GNLY: variants seen among roughly 807,000 people sequenced by gnomAD.
GNLY encodes T-cell activation protein 519.
GNLY carries 15 observed loss-of-function variants against 18.5 expected under a neutral mutation model. The ratio of observed to expected loss-of-function variants is 0.81; its 90% CI spans 0.54 to 1.25. The LOEUF (loss-of-function observed/expected upper bound fraction) is 1.25, where lower values mean the gene tolerates loss of function less well. Ranked by LOEUF, GNLY falls within the 50% of genes most tolerant of loss-of-function variation. The probability of loss-of-function intolerance (pLI) is 0.00; values close to 1 mark genes in which losing one functional copy is unlikely to be tolerated. For missense variants in GNLY, 178 were observed against 186.9 expected, an observed-to-expected ratio of 0.95 and a Z score of 0.28; for synonymous variants, 77 against 74.9, an observed-to-expected ratio of 1.03 and a Z score of -0.14.
Position 85,698,762 on chromosome 2 carries a change from G to C in GNLY, c.*188G>C. The C allele has an allele frequency of 6.6e-7, 1 of 1,518,430 alleles. No individual in the cohort carries two copies. Among genetic ancestry groups the C allele is most frequent in the Non-Finnish European group, 8.8e-7 (1 of 1,135,064 alleles). 94.1% of individuals were successfully genotyped at this position (1,518,430 alleles called of 1,614,324 possible). A position where few individuals can be genotyped will look rare whatever the true frequency, so the allele number is the denominator to read the frequency against. ...GTCAAGCAAGATTTTAGCCGCAGCTGCTTCTTCTTTGGTGGATTTGAGGGG... is the reference window on the plus strand; with the variant it reads ...GTCAAGCAAGATTTTAGCCGCAGCTCCTTCTTCTTTGGTGGATTTGAGGGG... On this transcript the variant is annotated 3_prime_UTR_variant, in exon 5 of 5. Transcript: ENST00000263863.
Position 85,698,341 on chromosome 2 carries a change from C to A in GNLY, c.428-223C>A, listed in dbSNP as rs1000461846. 8.2e-6 allele frequency: 6 copies of A among 734,340 alleles called. No individual in the cohort carries two copies. In the African/African-American group the frequency reaches 8.6e-5, roughly 11 times the overall value. The allele number at this position is 734,340 out of a possible 1,614,324, so 45.5% of individuals were successfully genotyped here. A position where few individuals can be genotyped will look rare whatever the true frequency, so the allele number is the denominator to read the frequency against. On this transcript the variant is annotated intron_variant, in intron 4 of 4. Coordinates refer to ENST00000263863, the MANE Select transcript of GNLY (RefSeq NM_006433.5). ...CCAATGCTCTGGGATTTTATGCTGG[C>A]AGATCGGGGGTCCCCACCATTTCCT...
intron 4 of GNLY, 96 bp from the exon 5 acceptor site, chr2:85,698,468 T>C: frequency 6.2e-7 from 1 of 1,605,314 alleles, no homozygotes; most frequent in Non-Finnish European, 8.5e-7. Context: ...TAGGGTCAGG[T>C]GGCTCTGGGA....
At chr2:85,697,824 T>A in intron 4 of GNLY, 147 bp downstream of exon 4, 1 of 634,752 alleles carries the variant, frequency 1.6e-6, no homozygotes, top group African/African-American at 1.8e-5. Context: ...TAGAAATGTT[T>A]GAGAAATACT....
In GNLY at chr2:85,697,149, A is replaced by G. The variant is rs1678483141; in HGVS notation, c.256-357A>G. The G allele has an allele frequency of 2.4e-5, 5 of 205,330 alleles. No homozygotes were observed. The Admixed American group carries it at 2.7e-4, about 11-fold the overall frequency. 12.7% of individuals were successfully genotyped at this position (205,330 alleles called of 1,614,324 possible). A position where few individuals can be genotyped will look rare whatever the true frequency, so the allele number is the denominator to read the frequency against. On this transcript the variant is annotated intron_variant, in intron 3 of 4. Transcript: ENST00000263863. The stretch of plus-strand genomic sequence containing the variant: ...TTCTCTATGCACCCCCTCTATCTGG[A>G]GCCCCCAGCCAGGTCCTGGACCCAG...
intron 3 of GNLY, chr2:85,696,567 T>A (rs911407811): frequency 6.6e-6 from 1 of 152,518 alleles, no homozygotes; most frequent in African/African-American, 2.5e-5. Context: ...TGAGATAGGA[T>A]CTTACTCTGA....
rs1375183950 is a variant in GNLY, at chr2:85,694,843, G to A, written c.52+373G>A. Reference sequence around the variant, plus strand: ...GCCTACACTGTCTAGGATTGTGCGGGGCTGGTGAGAGAACAAGATCTCTTC... The same window carrying A: ...GCCTACACTGTCTAGGATTGTGCGGAGCTGGTGAGAGAACAAGATCTCTTC... On this transcript the variant is annotated intron_variant, in intron 1 of 4. Coordinates refer to ENST00000263863, the MANE Select transcript of GNLY (RefSeq NM_006433.5). 5.9e-6 allele frequency: 9 copies of A among 1,522,338 alleles called. No homozygotes were observed. In the East Asian group the frequency reaches 2.2e-4, roughly 37 times the overall value. The allele number at this position is 1,522,338 out of a possible 1,614,324, so 94.3% of individuals were successfully genotyped here.
chr2:85,696,292 A>G (rs902004306), intron 3 of GNLY: 1 of 475,334 alleles, frequency 2.1e-6, no homozygotes, highest in Non-Finnish European at 3.8e-6. Context: ...GGTTTTCATC[A>G]TGTATCCTCA....
At chr2:85,698,297 G>A in intron 4 of GNLY, 1 of 680,996 alleles carries the variant, frequency 1.5e-6, no homozygotes, top group Admixed American at 2.0e-5. Flanking sequence ...ATTGGCTCTG[G>A]CAGCTCAGCT....
Position 85,695,991 on chromosome 2 carries a change from C to G in GNLY, c.190C>G (p.Arg64Gly). Residue 64 changes from arginine to glycine, a missense_variant, in exon 3 of 5, where the codon CGT becomes GGT. Physicochemically the swap from Arg to Gly is moderately radical, Grantham distance 125. Coordinates refer to ENST00000263863, the MANE Select transcript of GNLY (RefSeq NM_006433.5). Reference protein sequence around the residue: ...DLLTKTQELGRDYRTCLTIVQ... With the variant: ...DLLTKTQELGGDYRTCLTIVQ... ...GTTGACCAAAACACAGGAGCTGGGCCGTGACTACAGGACCTGTCTGACGAT... is the reference window on the plus strand; with the variant it reads ...GTTGACCAAAACACAGGAGCTGGGCGGTGACTACAGGACCTGTCTGACGAT... 6.2e-7 allele frequency: 1 copy of G among 1,611,688 alleles called. No individual in the cohort carries two copies. The highest frequency in any genetic ancestry group is 8.5e-7 in the Non-Finnish European group (1 of 1,177,908).
Position 85,698,651 on chromosome 2 carries a change from C to T in GNLY, c.*77C>T. ...CGGGAACCTCAGCAACCTCTGCCGGCTCCTCGCTTCCTCGATCCAGAATCC... is the reference window on the plus strand; with the variant it reads ...CGGGAACCTCAGCAACCTCTGCCGGTTCCTCGCTTCCTCGATCCAGAATCC... On this transcript the variant is annotated 3_prime_UTR_variant, in exon 5 of 5. Coordinates refer to ENST00000263863, the MANE Select transcript of GNLY (RefSeq NM_006433.5). 6.2e-7 allele frequency: 1 copy of T among 1,610,930 alleles called. No homozygotes were observed. The highest frequency in any genetic ancestry group is 8.5e-7 in the Non-Finnish European group (1 of 1,178,492).
In GNLY at chr2:85,698,675, C is replaced by T. The variant is rs1020914097; in HGVS notation, c.*101C>T. The T allele has an allele frequency of 6.2e-7, 1 of 1,607,544 alleles. No homozygotes were observed. Among genetic ancestry groups the T allele is most frequent in the Non-Finnish European group, 8.5e-7 (1 of 1,178,656 alleles). ...GCTCCTCGCTTCCTCGATCCAGAAT[C>T]CACTCTCCAGTCTCCCTCCCCTGAC... On this transcript the variant is annotated 3_prime_UTR_variant, in exon 5 of 5. Coordinates refer to ENST00000263863, the MANE Select transcript of GNLY (RefSeq NM_006433.5).
rs1678497220 is a variant in GNLY, at chr2:85,697,406, A to T, written c.256-100A>T. 3 of 1,046,092 alleles carry T rather than the reference A, an allele frequency of 2.9e-6. No homozygotes were observed. In the East Asian group the frequency reaches 7.1e-5, roughly 25 times the overall value. 64.8% of individuals were successfully genotyped at this position (1,046,092 alleles called of 1,614,324 possible). On this transcript the variant is annotated intron_variant, in intron 3 of 4. Transcript: ENST00000263863. ...TGGGCACCAGGTGCCAGCTCCTCGCACCCAGTACTCCCATTGCTAGGGCTG... is the reference window on the plus strand; with the variant it reads ...TGGGCACCAGGTGCCAGCTCCTCGCTCCCAGTACTCCCATTGCTAGGGCTG...
intron 2 of GNLY, 49 bp from the exon 3 acceptor site, chr2:85,695,909 G>A (rs372926915): frequency 8.3e-5 from 90 of 1,079,038 alleles, no homozygotes; most frequent in Non-Finnish European, 1.1e-4. Context: ...ACTTTCACGC[G>A]CTCCCAGAGT....
At chr2:85,694,816 G>C (rs569423622) in intron 1 of GNLY, 12 of 1,460,268 alleles carry the variant, frequency 8.2e-6, no homozygotes, top group Middle Eastern at 2.4e-4. Context: ...GCGTTTCCTC[G>C]GGCCTACACT....
In GNLY at chr2:85,695,320, G is replaced by A. The variant is rs1216604887; in HGVS notation, c.53G>A (p.Gly18Asp). Residue 18 changes from glycine (G) to aspartate (D), a missense_variant and splice_region_variant, in exon 2 of 5, where the codon GGT (glycine) becomes GAT (aspartate). Physicochemically the swap from Gly to Asp is moderately conservative, Grantham distance 94. Transcript: ENST00000263863. ...GAAGCTGAAGTCTGGTCTTCCTCAG[G>A]TCTGGTCTTCTCTCGTCTGAGCCCT... ...LLAAMLLGNP[G>D]LVFSRLSPEY... 4.4e-6 allele frequency: 7 copies of A among 1,603,388 alleles called. No homozygotes were observed. The highest frequency in any genetic ancestry group is 1.1e-5 in the South Asian group (1 of 90,844).
At position 85,698,712 on chromosome 2, in the gene GNLY, T is replaced by C; in HGVS notation, c.*138T>C. The C allele has an allele frequency of 6.3e-7, 1 of 1,580,938 alleles. No individual in the cohort carries two copies. The highest frequency in any genetic ancestry group is 1.1e-5 in the South Asian group (1 of 88,664). On this transcript the variant is annotated 3_prime_UTR_variant, in exon 5 of 5. Transcript: ENST00000263863. The stretch of plus-strand genomic sequence containing the variant: ...CTCCCTCCCCTGACTCCCTCTGCTG[T>C]CCTCCCCTCTCACGAGAATAAAGTG...
intron 1 of GNLY, chr2:85,695,005 AG>A: frequency 6.3e-7 from 1 of 1,589,560 alleles, no homozygotes; most frequent in Non-Finnish European, 8.6e-7. Flanking sequence ...AGGTAAAAAA[AG>A]AAAATCCCTT....
rs781385623 is a variant in GNLY, at chr2:85,697,575, A to G, written c.325A>G (p.Asn109Asp). ...GTCACGATGGCGCGACGTCTGCAGA[A>G]ATTTCATGAGGAGGTATCAGTCTAG... ...GRSRWRDVCR[N>D]FMRRYQSRVT... The change falls in exon 4 of 5, where the codon AAT (asparagine) becomes GAT (aspartate). Residue 109 changes from asparagine (N) to aspartate (D), a missense_variant. Transcript: ENST00000263863. 6.2e-7 allele frequency: 1 copy of G among 1,613,570 alleles called. No homozygotes were observed. The highest frequency in any genetic ancestry group is 1.1e-5 in the South Asian group (1 of 91,058).
At chr2:85,695,136 G>A (rs1678390321) in intron 1 of GNLY, 184 bp from the exon 2 acceptor site, 1 of 932,158 alleles carries the variant, frequency 1.1e-6, no homozygotes, top group Non-Finnish European at 1.7e-6. Flanking sequence ...GAGAACACGT[G>A]TTTGTGCTGA....
Sources: gnomAD v4.1 joint callset for allele counts on GRCh38, gnomAD v4.1.1 for gene constraint, MANE v1.5 for transcripts, NCBI Gene and HGNC (gene_info 2026-07-23, HGNC 2026-07-21) for gene names.